GRM7: variants seen among roughly 807,000 people sequenced by gnomAD.
GRM7 encodes the protein glutamate metabotropic receptor 7.
In GRM7, 35 loss-of-function variants were observed where a neutral mutation model predicts 84.5. The ratio of observed to expected loss-of-function variants is 0.41; its 90% CI spans 0.32 to 0.55. The LOEUF (loss-of-function observed/expected upper bound fraction) is 0.55, where lower values mean the gene tolerates loss of function less well. Ranked by LOEUF, GRM7 falls within the 20% of genes least tolerant of loss-of-function variation. The pLI, the probability that GRM7 is intolerant of heterozygous loss-of-function variation, is 0.19. For missense variants in GRM7, 1,003 were observed against 1,194.6 expected, an observed-to-expected ratio of 0.84 and a Z score of 2.36; for synonymous variants, 487 against 455.1, an observed-to-expected ratio of 1.07 and a Z score of -0.89.
chr3:7,606,637 G>A (rs1321796351), intron 8 of GRM7, among the ~76,000 whole-genome samples: 4 of 152,090 alleles, frequency 2.6e-5, no homozygotes, highest in African/African-American at 9.7e-5. Context: ...GGGTTAAAGC[G>A]ATTCTCCTGC....
At chr3:7,137,260 G>T (rs1370174696) in intron 1 of GRM7, among the ~76,000 whole-genome samples, 1 of 151,870 alleles carries the variant, frequency 6.6e-6, no homozygotes, top group African/African-American at 2.4e-5. Context: ...GGAATTCTTA[G>T]AACCATAAAT....
chr3:7,497,193 C>T (rs11131076), intron 7 of GRM7, among the ~76,000 whole-genome samples: 38,452 of 151,688 alleles, frequency 0.25, 5,702 homozygotes, highest in East Asian at 0.61. Flanking sequence ...GTCTGAGAGC[C>T]CTGGATAGGG....
At chr3:7,718,046 G>T (rs1456635912) in intron 9 of GRM7, among the ~76,000 whole-genome samples, 1 of 152,154 alleles carries the variant, frequency 6.6e-6, no homozygotes, top group Non-Finnish European at 1.5e-5. Flanking sequence ...GGGTTCACAT[G>T]AACTCTGGAG....
chr3:7,258,961 C>T (rs1698308069), intron 2 of GRM7, among the ~76,000 whole-genome samples: 1 of 152,246 alleles, frequency 6.6e-6, no homozygotes, highest in African/African-American at 2.4e-5. Flanking sequence ...ACAAGACTAA[C>T]TTAAGATGCA....
At chr3:6,932,277 A>G (rs950304345) in intron 1 of GRM7, among the ~76,000 whole-genome samples, 8 of 152,202 alleles carry the variant, frequency 5.3e-5, no homozygotes. Context: ...CTTTTCCTTT[A>G]AGGATATTCT....
intron 9 of GRM7, chr3:7,686,429 T>C (rs752558366): frequency 6.7e-7 from 1 of 1,486,292 alleles, no homozygotes; most frequent in Non-Finnish European, 9.4e-7. Flanking sequence ...ACAGTATAGC[T>C]TTTGACTGCT....
chr3:7,688,130 T>G (rs572699035), intron 9 of GRM7, among the ~76,000 whole-genome samples: 89 of 152,284 alleles, frequency 5.8e-4, no homozygotes, highest in Non-Finnish European at 1.1e-3. Flanking sequence ...TTAATCTCAA[T>G]CCATTAAAAA....
intron 9 of GRM7, among the ~76,000 whole-genome samples, chr3:7,697,887 G>T (rs1701079658): frequency 1.3e-5 from 2 of 152,248 alleles, no homozygotes; most frequent in South Asian, 2.1e-4. Flanking sequence ...TACTGTAGGG[G>T]TTATAAAGAC....
intron 1 of GRM7, among the ~76,000 whole-genome samples, chr3:6,954,393 C>T (rs1692932093): frequency 6.6e-6 from 1 of 152,134 alleles, no homozygotes; most frequent in Non-Finnish European, 1.5e-5. Flanking sequence ...ACTTATGCTG[C>T]AATGAAAGCA....
At chr3:7,071,196 G>A (rs1289679062) in intron 1 of GRM7, among the ~76,000 whole-genome samples, 1 of 152,014 alleles carries the variant, frequency 6.6e-6, no homozygotes, top group African/African-American at 2.4e-5. Context: ...TGAATAGGTG[G>A]TATTGGTTTT....
intron 1 of GRM7, among the ~76,000 whole-genome samples, chr3:7,031,478 C>T (rs1334760208): frequency 2.6e-5 from 4 of 151,568 alleles, no homozygotes; most frequent in African/African-American, 9.7e-5. Flanking sequence ...GTGCAGTGGC[C>T]TGATCTCGGC....
chr3:7,314,503 G>C (rs1271739657), intron 4 of GRM7, among the ~76,000 whole-genome samples: 1 of 152,134 alleles, frequency 6.6e-6, no homozygotes, highest in Non-Finnish European at 1.5e-5. Flanking sequence ...ACAAAACAGA[G>C]ATCTTTGCTA....
chr3:7,453,434 T>TGGAATTTTCACA (rs1242667755), intron 6 of GRM7, among the ~76,000 whole-genome samples: 8 of 152,158 alleles, frequency 5.3e-5, no homozygotes, highest in African/African-American at 1.9e-4. Context: ...GGCTATAAAC[T>TGGAATTTTCACA]GGAATTTTCA....
chr3:7,304,353 T>A (rs1575143680), intron 3 of GRM7, among the ~76,000 whole-genome samples: 1 of 41,766 alleles, frequency 2.4e-5, no homozygotes, highest in African/African-American at 4.9e-5. Context: ...ATATCATTTC[T>A]TTTTTTTTTT....
intron 1 of GRM7, among the ~76,000 whole-genome samples, chr3:7,117,928 G>A (rs1346499875): frequency 5.3e-5 from 8 of 152,034 alleles, no homozygotes; most frequent in Non-Finnish European, 1.2e-4. Flanking sequence ...AGAACTATAG[G>A]ACCATTTTGG....
At chr3:7,058,530 C>T (rs971666977) in intron 1 of GRM7, among the ~76,000 whole-genome samples, 37 of 151,852 alleles carry the variant, frequency 2.4e-4, no homozygotes, top group African/African-American at 8.7e-4. Context: ...AGTTTATGTT[C>T]ATTAATATAT....
At chr3:7,492,062 A>T (rs1575412984) in intron 7 of GRM7, among the ~76,000 whole-genome samples, 1 of 152,174 alleles carries the variant, frequency 6.6e-6, no homozygotes, top group Admixed American at 6.5e-5. Flanking sequence ...AAGGAATCCC[A>T]CATAGTCATG....
intron 4 of GRM7, among the ~76,000 whole-genome samples, chr3:7,321,026 C>T: frequency 6.6e-6 from 1 of 151,752 alleles, no homozygotes; most frequent in South Asian, 2.1e-4. Context: ...ACAAAGTATC[C>T]TAGTGCTTTT....
intron 2 of GRM7, among the ~76,000 whole-genome samples, chr3:7,152,002 G>A (rs1292405971): frequency 6.6e-6 from 1 of 152,052 alleles, no homozygotes; most frequent in Non-Finnish European, 1.5e-5. Flanking sequence ...CTAATGAGGT[G>A]TTTGGTGGTT....
Sources: allele counts gnomAD v4.1 joint callset (sites outside exome capture counted in the v4.1 genomes callset), GRCh38; gene constraint gnomAD v4.1.1; transcripts MANE v1.5; gene names NCBI Gene and HGNC (gene_info 2026-07-23, HGNC 2026-07-21).